The following SLC44A2 variants were observed in gnomAD, a reference collection of about 807,000 sequenced individuals.
SLC44A2 encodes the protein choline transporter-like protein 2.
SLC44A2 carries 57 observed loss-of-function variants against 90.8 expected under a neutral mutation model. That is an observed-to-expected ratio of 0.63 (90% CI 0.51 to 0.78). SLC44A2 has a LOEUF of 0.78. Among genes scored for constraint, SLC44A2 ranks in the 30% least tolerant of loss-of-function variants. The probability of loss-of-function intolerance (pLI) is 0.00; values close to 1 mark genes in which losing one functional copy is unlikely to be tolerated. For missense variants in SLC44A2, 794 were observed against 919.7 expected (o/e 0.86, Z 1.77); for synonymous variants, 355 against 360.7 (o/e 0.98, Z 0.18).
At chr19:10,616,977 A>C (rs955239776) in intron 1 of SLC44A2, among the ~76,000 whole-genome samples, 1 of 151,822 alleles carries the variant, frequency 6.6e-6, no homozygotes, top group Admixed American at 6.6e-5. Flanking sequence ...GCTGGAGTGC[A>C]GTGGCGCGAT....
intron 2 of SLC44A2, among the ~76,000 whole-genome samples, chr19:10,626,626 G>GC (rs1382711017): frequency 1.4e-5 from 2 of 143,334 alleles, no homozygotes; most frequent in African/African-American, 2.6e-5. Flanking sequence ...TCGCTGTGTT[G>GC]CCCATGCTGG....
At chr19:10,641,093 GAAA>G in intron 20 of SLC44A2, 1 of 368,906 alleles carries the variant, frequency 2.7e-6, no homozygotes, top group Admixed American at 3.7e-5. Context: ...TCTCAGGAGG[GAAA>G]AAAAAAAGGC....
chr19:10,602,718 C>T lies in SLC44A2; in HGVS notation c.31+157C>T, dbSNP rs972011222. 2.0e-5 allele frequency among the ~76,000 whole-genome samples: 3 copies of T among 152,326 alleles called. No homozygotes were observed. In the East Asian group the frequency reaches 5.8e-4, roughly 29 times the overall value. On this transcript the variant is annotated intron_variant, in intron 1 of 21. Coordinates refer to the SLC44A2 transcript ENST00000407327. ...CCGACACTGCGCGGATCCCACGCCCCCTGCTCTAACCGGGTCGCCCCGCGT... is the reference window on the plus strand; with the variant it reads ...CCGACACTGCGCGGATCCCACGCCCTCTGCTCTAACCGGGTCGCCCCGCGT...
At chr19:10,630,145 C>T (rs1330428191) in intron 4 of SLC44A2, among the ~76,000 whole-genome samples, 2 of 152,004 alleles carry the variant, frequency 1.3e-5, no homozygotes, top group African/African-American at 2.4e-5. Context: ...TGGAGGATTG[C>T]TTGACACCAG....
chr19:10,607,400 G>C (rs1187961579), intron 1 of SLC44A2, among the ~76,000 whole-genome samples: 1 of 151,994 alleles, frequency 6.6e-6, no homozygotes, highest in African/African-American at 2.4e-5. Flanking sequence ...GGCTGGGCTA[G>C]AGTGCAGTGG....
rs2067140690 is a variant in SLC44A2, at chr19:10,643,580, G to A, written c.*195G>A. 3.4e-6 allele frequency: 2 copies of A among 583,822 alleles called. No homozygotes were observed. Among genetic ancestry groups the A allele is most frequent in the African/African-American group, 1.9e-5 (1 of 52,448 alleles). The allele number at this position is 583,822 out of a possible 1,614,324, so 36.2% of individuals were successfully genotyped here. ...CTTCTTATGCCAAGGGGCGCTTGGA[G>A]TTTTCATGGCTGCCCCTCCAGACTG... On this transcript the variant is annotated 3_prime_UTR_variant, in exon 22 of 22. Coordinates refer to ENST00000335757, the MANE Select transcript of SLC44A2 (RefSeq NM_020428.4).
Position 10,635,047 on chromosome 19 carries a change from G to C in SLC44A2, c.1029G>C (p.Ala343=), listed in dbSNP as rs775885780. ...TTCTCCGGAAGAGAATTCTCATCGCGATTGCACTCATCAAAGAAGCCAGCA... is the reference window on the plus strand; with the variant it reads ...TTCTCCGGAAGAGAATTCTCATCGCCATTGCACTCATCAAAGAAGCCAGCA... ...LIFLRKRILI[A]IALIKEASRA... is the part of the protein sequence containing the mutation. Residue 343 remains alanine, a synonymous_variant, in exon 12 of 22, where the codon GCG becomes GCC. Coordinates refer to ENST00000335757, the MANE Select transcript of SLC44A2 (RefSeq NM_020428.4). The C allele has an allele frequency of 6.2e-7, 1 of 1,614,142 alleles. No individual in the cohort carries two copies. The highest frequency in any genetic ancestry group is 8.5e-7 in the Non-Finnish European group (1 of 1,180,042).
At chr19:10,613,765 T>G (rs78579480) in intron 1 of SLC44A2, among the ~76,000 whole-genome samples, 10,699 of 151,996 alleles carry the variant, frequency 0.07, 420 homozygotes, top group Middle Eastern at 0.12. Context: ...GTGATTGCTG[T>G]CTTTAAAAAT....
At chr19:10,630,455 G>C (rs1305227925) in intron 4 of SLC44A2, among the ~76,000 whole-genome samples, 1 of 151,990 alleles carries the variant, frequency 6.6e-6, no homozygotes, top group Non-Finnish European at 1.5e-5. Flanking sequence ...TCAGGAGTTC[G>C]AGACCAGTGT....
At chr19:10,634,940 G>A (rs960867626) in intron 11 of SLC44A2, 34 bp from the exon 12 acceptor site, 4 of 1,614,040 alleles carry the variant, frequency 2.5e-6, no homozygotes, top group Admixed American at 1.7e-5. Context: ...GAGGGAGTGG[G>A]GAGCCCAGCC....
intron 1 of SLC44A2, among the ~76,000 whole-genome samples, chr19:10,612,730 C>T (rs965116568): frequency 7.2e-5 from 11 of 152,328 alleles, no homozygotes; most frequent in Admixed American, 3.3e-4. Context: ...GTTCTCTTAT[C>T]GCCCACGCCC....
chr19:10,626,100 C>G (rs1421284693), intron 1 of SLC44A2, among the ~76,000 whole-genome samples, 153 bp from the exon 2 acceptor site: 1 of 152,202 alleles, frequency 6.6e-6, no homozygotes, highest in Admixed American at 6.5e-5. Flanking sequence ...GTGTGGTCAC[C>G]TGGAGGTGGG....
intron 1 of SLC44A2, among the ~76,000 whole-genome samples, chr19:10,608,794 A>G (rs1255365832): frequency 6.6e-6 from 1 of 150,574 alleles, no homozygotes; most frequent in Non-Finnish European, 1.5e-5. Flanking sequence ...GGACTACAAG[A>G]TTCGAGTTAC....
At chr19:10,606,719 G>A (rs1428959181) in intron 1 of SLC44A2, among the ~76,000 whole-genome samples, 1 of 151,874 alleles carries the variant, frequency 6.6e-6, no homozygotes, top group South Asian at 2.1e-4. Flanking sequence ...GCTGAGACAG[G>A]AGAATTGCTT....
intron 4 of SLC44A2, among the ~76,000 whole-genome samples, chr19:10,628,333 C>A (rs1370197671): frequency 2.0e-5 from 3 of 152,170 alleles, no homozygotes; most frequent in Non-Finnish European, 4.4e-5. Context: ...TTGCAATGAG[C>A]CGAGATCGTG....
intron 10 of SLC44A2, among the ~76,000 whole-genome samples, chr19:10,634,464 CAAAA>C (rs57865437): frequency 3.0e-5 from 3 of 101,140 alleles, no homozygotes; most frequent in Non-Finnish European, 6.5e-5. Flanking sequence ...AACTCCGTCT[CAAAA>C]AAAAAAAAAA....
At chr19:10,618,570 C>T (rs1219655986) in intron 1 of SLC44A2, among the ~76,000 whole-genome samples, 2 of 146,260 alleles carry the variant, frequency 1.4e-5, no homozygotes. Context: ...AGCTCCGCCT[C>T]CCTGGTTCAC....
upstream of SLC44A2, chr19:10,625,366 G>A: frequency 1.1e-6 from 1 of 873,958 alleles, no homozygotes; most frequent in Non-Finnish European, 1.5e-6. Context: ...TGAAGCCGCA[G>A]GGTTCCCGGG....
chr19:10,642,312 G>C (rs1407627125), intron 20 of SLC44A2, 55 bp from the exon 21 acceptor site: 7 of 1,477,976 alleles, frequency 4.7e-6, no homozygotes, highest in Non-Finnish European at 6.6e-6. Flanking sequence ...CTCAGGGGGT[G>C]GGGGCTGCTC....
Sources: gnomAD v4.1 joint callset for allele counts (sites outside exome capture counted in the v4.1 genomes callset) on GRCh38, gnomAD v4.1.1 for gene constraint, MANE v1.5 for transcripts, NCBI Gene and HGNC (gene_info 2026-07-23, HGNC 2026-07-21) for gene names.